The following NIPBL variants were observed in gnomAD, a reference collection of about 807,000 sequenced individuals.
The protein encoded by NIPBL is nipped-B-like protein.
A neutral mutation model predicts 321.8 loss-of-function variants in NIPBL; 19 were observed. That is an observed-to-expected ratio of 0.06 (90% CI 0.04 to 0.09). NIPBL has a LOEUF of 0.09. Among genes scored for constraint, NIPBL ranks in the 10% least tolerant of loss-of-function variants. NIPBL has a pLI of 1.00. For synonymous variants in NIPBL, 1,106 were observed against 1,114.1 expected (o/e 0.99, Z 0.14); for missense variants, 2,210 against 3,327.0 (o/e 0.66, Z 8.26).
chr5:36,980,325 G>C (rs763116477), intron 9 of NIPBL, among the ~76,000 whole-genome samples: 1 of 151,582 alleles, frequency 6.6e-6, no homozygotes, highest in Non-Finnish European at 1.5e-5. Context: ...ACAGGTATGC[G>C]GTGATAACCT....
intron 1 of NIPBL, among the ~76,000 whole-genome samples, chr5:36,924,575 C>G (rs531211552): frequency 6.6e-6 from 1 of 152,190 alleles, no homozygotes; most frequent in African/African-American, 2.4e-5. Context: ...TAGGTGTATC[C>G]ACAATGTCTG....
At chr5:36,972,784 A>C (rs1309776682) in intron 8 of NIPBL, among the ~76,000 whole-genome samples, 3 of 149,390 alleles carry the variant, frequency 2.0e-5, no homozygotes. Context: ...CTTTTCAACT[A>C]TTTAGTCATT....
intron 1 of NIPBL, among the ~76,000 whole-genome samples, chr5:36,906,246 A>T (rs183858571): frequency 4.7e-4 from 72 of 152,334 alleles, no homozygotes; most frequent in African/African-American, 1.6e-3. Context: ...TGTAGTATAT[A>T]ACATGTAATG....
At chr5:37,061,772 A>C (rs1287221613) in intron 45 of NIPBL, among the ~76,000 whole-genome samples, 1 of 152,222 alleles carries the variant, frequency 6.6e-6, no homozygotes, top group Non-Finnish European at 1.5e-5. Flanking sequence ...TATAATACCT[A>C]ATACAATGTA....
chr5:36,907,502 A>G (rs1398246811), intron 1 of NIPBL, among the ~76,000 whole-genome samples: 2 of 152,188 alleles, frequency 1.3e-5, no homozygotes, highest in Non-Finnish European at 2.9e-5. Context: ...TCTAAAAGGA[A>G]CTAAAGTTAT....
intron 1 of NIPBL, among the ~76,000 whole-genome samples, chr5:36,932,869 G>A (rs1749886576): frequency 7.1e-6 from 1 of 139,972 alleles, no homozygotes; most frequent in Non-Finnish European, 1.5e-5. Context: ...TGCCATCATA[G>A]CATACTACAG....
chr5:36,920,356 A>G (rs1748837898), intron 1 of NIPBL, among the ~76,000 whole-genome samples: 1 of 152,226 alleles, frequency 6.6e-6, no homozygotes. Flanking sequence ...GATGATATTC[A>G]GATATGGTGA....
chr5:36,942,632 T>C (rs1250670418), intron 1 of NIPBL, among the ~76,000 whole-genome samples: 1 of 150,860 alleles, frequency 6.6e-6, no homozygotes, highest in Non-Finnish European at 1.5e-5. Context: ...CCCCAGCTAC[T>C]TGGGGGGCTG....
intron 14 of NIPBL, 42 bp downstream of exon 14, chr5:37,001,120 C>G: frequency 1.6e-6 from 2 of 1,276,706 alleles, no homozygotes; most frequent in Non-Finnish European, 2.3e-6. Context: ...CTCTAAGTGT[C>G]TTAACTGTAT....
At chr5:36,921,897 T>G (rs1748975506) in intron 1 of NIPBL, among the ~76,000 whole-genome samples, 1 of 151,820 alleles carries the variant, frequency 6.6e-6, no homozygotes, top group African/African-American at 2.4e-5. Context: ...TTTTTGTTTT[T>G]TTTTTTTGAA....
Position 37,063,994 on chromosome 5 carries a change from A to C in NIPBL, c.8049+16A>C, listed in dbSNP as rs1318758475. 2 of 1,613,390 alleles carry C rather than the reference A, an allele frequency of 1.2e-6. No individual in the cohort carries two copies. The highest frequency in any genetic ancestry group is 1.3e-5 in the African/African-American group (1 of 74,926). ...CACTTCAGGGGTGAGGCGGAGGAGG[A>C]GTCAACGTATTTCGCAGCGTATTAC... On this transcript the variant is annotated intron_variant, in intron 46 of 46. Transcript: ENST00000282516.
At chr5:36,960,457 G>A (rs1477520227) in intron 4 of NIPBL, among the ~76,000 whole-genome samples, 2 of 151,988 alleles carry the variant, frequency 1.3e-5, no homozygotes, top group Non-Finnish European at 2.9e-5. Context: ...CTGAGTTTGA[G>A]TTGGAAAAGA....
At chr5:36,958,495 T>C (rs972289747) in intron 4 of NIPBL, among the ~76,000 whole-genome samples, 2 of 152,204 alleles carry the variant, frequency 1.3e-5, no homozygotes, top group Non-Finnish European at 2.9e-5. Context: ...TTTTTTGTTT[T>C]AGAAAATCAG....
chr5:37,011,866 A>C (rs547405303), intron 21 of NIPBL, among the ~76,000 whole-genome samples: 37 of 152,276 alleles, frequency 2.4e-4, no homozygotes, highest in Non-Finnish European at 4.6e-4. Flanking sequence ...ATAGAATCAC[A>C]ACTTAAAGCA....
In NIPBL at chr5:37,023,215, A is replaced by G. The variant is rs188639599; in HGVS notation, c.5574+825A>G. Among the ~76,000 whole-genome samples the G allele has an allele frequency of 1.5e-4, 23 of 152,278 alleles. No homozygotes were observed. The East Asian group carries it at 2.3e-3, about 15-fold the overall frequency. ...AAATAATTTAAAGAAAAGCTGGAAAAATTTTTTTCCTTCTTAGGGCTTCCA... is the reference window on the plus strand; with the variant it reads ...AAATAATTTAAAGAAAAGCTGGAAAGATTTTTTTCCTTCTTAGGGCTTCCA... On this transcript the variant is annotated intron_variant, in intron 29 of 46. Coordinates refer to ENST00000282516, the MANE Select transcript of NIPBL (RefSeq NM_133433.4).
At chr5:36,930,911 A>G (rs1366777346) in intron 1 of NIPBL, among the ~76,000 whole-genome samples, 1 of 152,106 alleles carries the variant, frequency 6.6e-6, no homozygotes, top group East Asian at 1.9e-4. Flanking sequence ...ATGTGTAGTC[A>G]TTTTTATATG....
chr5:37,022,580 A>T (rs1028131374), intron 29 of NIPBL, among the ~76,000 whole-genome samples, 190 bp downstream of exon 29: 1 of 152,240 alleles, frequency 6.6e-6, no homozygotes, highest in African/African-American at 2.4e-5. Flanking sequence ...ATCATAAAAC[A>T]AATCATTGGT....
intron 11 of NIPBL, among the ~76,000 whole-genome samples, chr5:36,999,255 G>A: frequency 6.6e-6 from 1 of 152,196 alleles, no homozygotes; most frequent in East Asian, 1.9e-4. Context: ...TTAAGTATTT[G>A]TGTATTTATC....
At chr5:36,951,999 A>G (rs1740347658) in intron 1 of NIPBL, among the ~76,000 whole-genome samples, 1 of 133,514 alleles carries the variant, frequency 7.5e-6, no homozygotes, top group Non-Finnish European at 1.6e-5. Flanking sequence ...ATGGATGCTT[A>G]CTTTATAACT....
Sources: allele counts gnomAD v4.1 joint callset (sites outside exome capture counted in the v4.1 genomes callset), GRCh38; gene constraint gnomAD v4.1.1; transcripts MANE v1.5; gene names NCBI Gene and HGNC (gene_info 2026-07-23, HGNC 2026-07-21).